CHKA: variants seen among roughly 807,000 people sequenced by gnomAD.
CHKA encodes CHETK-alpha.
A neutral mutation model predicts 60.1 loss-of-function variants in CHKA; 34 were observed. The observed-to-expected ratio is 0.57, with a 90% CI of 0.43 to 0.75. The LOEUF (loss-of-function observed/expected upper bound fraction) is 0.75, where lower values mean the gene tolerates loss of function less well. Among genes scored for constraint, CHKA ranks in the 30% least tolerant of loss-of-function variants. The probability of loss-of-function intolerance (pLI) is 0.00; values close to 1 mark genes in which losing one functional copy is unlikely to be tolerated. For missense variants in CHKA, 563 were observed against 561.3 expected (o/e 1.00, Z -0.03); for synonymous variants, 217 against 223.1 (o/e 0.97, Z 0.24).
chr11:68,054,582 T>C (rs1481933644), intron 11 of CHKA, among the ~76,000 whole-genome samples: 1 of 152,200 alleles, frequency 6.6e-6, no homozygotes, highest in Non-Finnish European at 1.5e-5. Flanking sequence ...TCTGGGATTG[T>C]GTTGTGTGAG....
At chr11:68,088,706 GA>G (rs34956463) in intron 2 of CHKA, among the ~76,000 whole-genome samples, 96,692 of 151,744 alleles carry the variant, frequency 0.64, 30,926 homozygotes, top group Middle Eastern at 0.75. Flanking sequence ...TGATTTCTAT[GA>G]AAAAAAATGA....
chr11:68,053,815 T>A lies in CHKA; in HGVS notation c.*173A>T, dbSNP rs185909625. The A allele has an allele frequency of 1.9e-6, 1 of 523,534 alleles. No homozygotes were observed. Among genetic ancestry groups the A allele is most frequent in the East Asian group, 3.1e-5 (1 of 31,846 alleles). The allele number at this position is 523,534 out of a possible 1,614,324, so 32.4% of individuals were successfully genotyped here. A position where few individuals can be genotyped will look rare whatever the true frequency, so the allele number is the denominator to read the frequency against. On this transcript the variant is annotated 3_prime_UTR_variant, in exon 12 of 12. Coordinates refer to ENST00000265689, the MANE Select transcript of CHKA (RefSeq NM_001277.3). ...TCCTAGTGAAATCGTAAACAAGAGA[T>A]GAAATAAACGTCGCTCCATTTTAAT...
At chr11:68,074,626 C>T (rs1856725128) in intron 4 of CHKA, 91 bp downstream of exon 4, 3 of 1,085,810 alleles carry the variant, frequency 2.8e-6, no homozygotes, top group Non-Finnish European at 2.9e-6. Flanking sequence ...ACAGTGAAAA[C>T]ACAGCATTGC....
intron 2 of CHKA, 95 bp from the exon 3 acceptor site, chr11:68,081,552 C>T: frequency 1.0e-6 from 1 of 955,604 alleles, no homozygotes; most frequent in Non-Finnish European, 1.7e-6. Flanking sequence ...GTTTACAAAA[C>T]ATCACAGGTC....
intron 2 of CHKA, among the ~76,000 whole-genome samples, chr11:68,095,719 AAAAAAAAAAAAAAAAC>A (rs1200603904): frequency 2.1e-5 from 3 of 143,072 alleles, no homozygotes; most frequent in African/African-American, 5.2e-5. Context: ...AAAAAAAAAA[AAAAAAAAAAAAAAAAC>A]AACAGGTATC....
At position 68,120,920 on chromosome 11, in the gene CHKA, C is replaced by G; in HGVS notation, c.258G>C (p.Arg86=). 1 of 1,216,798 alleles carries G rather than the reference C, an allele frequency of 8.2e-7. No homozygotes were observed. The highest frequency in any genetic ancestry group is 3.9e-5 in the East Asian group (1 of 25,576). The allele number at this position is 1,216,798 out of a possible 1,614,324, so 75.4% of individuals were successfully genotyped here. Residue 86 remains arginine (R), a synonymous_variant, in exon 1 of 12, where the codon CGG becomes CGC. Transcript: ENST00000265689. ...QPPADEQPEP[R]TRRRAYLWCK... is the part of the protein sequence containing the mutation. ...ACCACAGATAGGCCCTGCGCCGCGT[C>G]CGGGGCTCCGGCTGCTCGTCTGCGG... is the stretch of plus-strand genomic sequence containing the variant.
chr11:68,119,884 A>C (rs993147780), intron 1 of CHKA, among the ~76,000 whole-genome samples: 5 of 152,306 alleles, frequency 3.3e-5, no homozygotes, highest in Non-Finnish European at 5.9e-5. Context: ...GAATACCTAC[A>C]CGCGTACTTC....
At position 68,081,435 on chromosome 11, in the gene CHKA, G is replaced by C. The variant is rs200175256; in HGVS notation, c.485C>G (p.Ser162Cys). Reference sequence around the variant, plus strand: ...TTCATTTTCTTTCTGAGCTTGTTCGGATCCCTCTTTATTACAGGACCTCTA... The same window carrying C: ...TTCATTTTCTTTCTGAGCTTGTTCGCATCCCTCTTTATTACAGGACCTCTA... Reference protein sequence around the residue: ...LQMRSCNKEGSEQAQKENEFQ... With the variant: ...LQMRSCNKEGCEQAQKENEFQ... The change falls in exon 3 of 12, where the codon TCC becomes TGC. Residue 162 changes from serine (S) to cysteine (C), a missense_variant. Physicochemically the swap from Ser to Cys is moderately radical, Grantham distance 112. Transcript: ENST00000265689. The C allele has an allele frequency of 4.3e-6, 7 of 1,613,454 alleles. No individual in the cohort carries two copies. The highest frequency in any genetic ancestry group is 5.9e-6 in the Non-Finnish European group (7 of 1,179,474).
chr11:68,066,354 C>G, intron 8 of CHKA, 75 bp downstream of exon 8: 8 of 1,267,882 alleles, frequency 6.3e-6, no homozygotes, highest in Non-Finnish European at 8.0e-6. Context: ...CTTATTTTCT[C>G]TAATAACTGT....
At chr11:68,113,358 T>C (rs991475165) in intron 1 of CHKA, among the ~76,000 whole-genome samples, 2 of 152,118 alleles carry the variant, frequency 1.3e-5, no homozygotes, top group Non-Finnish European at 2.9e-5. Flanking sequence ...CAAATAAGCA[T>C]CTGAAAAGAT....
chr11:68,091,669 T>TA (rs1482407825), intron 2 of CHKA, among the ~76,000 whole-genome samples: 1 of 152,120 alleles, frequency 6.6e-6, no homozygotes, highest in East Asian at 1.9e-4. Context: ...ACTTAACCCT[T>TA]AGAGAACTGT....
rs71480230 is a variant in CHKA, at chr11:68,102,972, T to TA, written c.351-5843dup. 2.2e-3 allele frequency among the ~76,000 whole-genome samples: 331 copies of TA among 150,232 alleles called. 2 individuals are homozygous for TA. The highest frequency in any genetic ancestry group is 6.6e-3 in the African/African-American group (271 of 40,940). ...CTGGGTGACAGAGCAAGACCCTGTTTAAAAAAAAAAAAATATATTTGCCCT... is the reference window on the plus strand; with the variant it reads ...CTGGGTGACAGAGCAAGACCCTGTTTAAAAAAAAAAAAAATATATTTGCCCT... On this transcript the variant is annotated intron_variant, in intron 1 of 11. Coordinates refer to ENST00000265689, the MANE Select transcript of CHKA (RefSeq NM_001277.3).
intron 1 of CHKA, among the ~76,000 whole-genome samples, chr11:68,117,271 G>A (rs752652154): frequency 6.6e-6 from 1 of 152,128 alleles, no homozygotes; most frequent in Admixed American, 6.6e-5. Flanking sequence ...GAAAGGCCTG[G>A]AAACTGAAAA....
chr11:68,067,878 C>T (rs548943255), intron 7 of CHKA, among the ~76,000 whole-genome samples: 41 of 152,268 alleles, frequency 2.7e-4, no homozygotes, highest in African/African-American at 8.7e-4. Flanking sequence ...TTATGGATGA[C>T]GAGTCTTCAT....
chr11:68,060,294 A>T (rs1240788050), intron 11 of CHKA, among the ~76,000 whole-genome samples: 3 of 150,884 alleles, frequency 2.0e-5, no homozygotes, highest in Non-Finnish European at 2.9e-5. Flanking sequence ...GGCCTCCCAA[A>T]GTTCTGGGAT....
At chr11:68,115,175 T>C (rs1339815659) in intron 1 of CHKA, among the ~76,000 whole-genome samples, 1 of 152,248 alleles carries the variant, frequency 6.6e-6, no homozygotes, top group Non-Finnish European at 1.5e-5. Context: ...GTAAGTGTTC[T>C]GGCAAATTAA....
chr11:68,101,535 A>T (rs1442608958), intron 1 of CHKA, among the ~76,000 whole-genome samples: 1 of 152,088 alleles, frequency 6.6e-6, no homozygotes, highest in Non-Finnish European at 1.5e-5. Context: ...AGGTGGGAAG[A>T]TCACTTGAGC....
chr11:68,070,791 C>A lies in CHKA; in HGVS notation c.697G>T (p.Ala233Ser). The A allele has an allele frequency of 6.2e-7, 1 of 1,613,122 alleles. No homozygotes were observed. Among genetic ancestry groups the A allele is most frequent in the Non-Finnish European group, 8.5e-7 (1 of 1,179,148 alleles). ...GGCATTTTCATACCATGAAATGTAGCCATTTTCTCGGCGATTTCTGCAGAA... is the reference window on the plus strand; with the variant it reads ...GGCATTTTCATACCATGAAATGTAGACATTTTCTCGGCGATTTCTGCAGAA... ...DISAEIAEKM[A>S]TFHGMKMPFN... is the part of the protein sequence containing the mutation. The change falls in exon 5 of 12, where the codon GCT becomes TCT. Residue 233 changes from alanine to serine, a missense_variant. By Grantham distance (99) the Ala-to-Ser change is moderately conservative. Transcript: ENST00000265689.
At chr11:68,100,600 A>AACAC (rs1857674417) in intron 1 of CHKA, among the ~76,000 whole-genome samples, 1 of 140,476 alleles carries the variant, frequency 7.1e-6, no homozygotes, top group African/African-American at 2.8e-5. Flanking sequence ...CCAATAAATA[A>AACAC]ATACATAAAT....
Sources: allele counts gnomAD v4.1 joint callset (sites outside exome capture counted in the v4.1 genomes callset), GRCh38; gene constraint gnomAD v4.1.1; transcripts MANE v1.5; gene names NCBI Gene and HGNC (gene_info 2026-07-23, HGNC 2026-07-21).